Variants in SYNJ2BP observed in about 807,000 individuals in gnomAD.
SYNJ2BP encodes synaptojanin-2-binding protein.
SYNJ2BP carries 10 observed loss-of-function variants against 16.9 expected under a neutral mutation model. The ratio of observed to expected loss-of-function variants is 0.59; its 90% confidence interval spans 0.36 to 1.00. The LOEUF is 1.00. SYNJ2BP is among the 50% of genes least tolerant of loss of function. The pLI, the probability that SYNJ2BP is intolerant of heterozygous loss-of-function variation, is 0.01. For synonymous variants in SYNJ2BP, 54 were observed against 68.4 expected (o/e 0.79, Z 1.04); for missense variants, 162 against 186.7 (o/e 0.87, Z 0.77).
chr14:70,370,126 A>C lies in SYNJ2BP; in HGVS notation c.*2865T>G, dbSNP rs1164664001. 1 of 152,218 alleles carries C rather than the reference A, an allele frequency of 6.6e-6. No individual in the cohort carries two copies. The highest frequency in any genetic ancestry group is 6.5e-5 in the Admixed American group (1 of 15,280). The allele number at this position is 152,218 out of a possible 1,614,324, so 9.4% of individuals were successfully genotyped here. A position where few individuals can be genotyped will look rare whatever the true frequency, so the allele number is the denominator to read the frequency against. ...AGAGTACATCAGAATCTCTATTATCAACCAAAGCAAAACTTCTACCAACGA... is the reference window on the plus strand; with the variant it reads ...AGAGTACATCAGAATCTCTATTATCCACCAAAGCAAAACTTCTACCAACGA... On this transcript the variant is annotated 3_prime_UTR_variant, in exon 4 of 4. Transcript: ENST00000256366.
chr14:70,382,105 A>T (rs1008560164), intron 2 of SYNJ2BP, among the ~76,000 whole-genome samples: 1 of 152,092 alleles, frequency 6.6e-6, no homozygotes, highest in Admixed American at 6.6e-5. Flanking sequence ...ACGTGGTGGC[A>T]GGCGCCTGTA....
intron 1 of SYNJ2BP, among the ~76,000 whole-genome samples, chr14:70,392,887 T>C (rs1208356874): frequency 6.6e-6 from 1 of 152,216 alleles, no homozygotes; most frequent in African/African-American, 2.4e-5. Flanking sequence ...TCATTGGCTA[T>C]GGCCCAGAAA....
chr14:70,415,336 G>T (rs1888580072), intron 1 of SYNJ2BP, among the ~76,000 whole-genome samples: 1 of 150,978 alleles, frequency 6.6e-6, no homozygotes, highest in Non-Finnish European at 1.5e-5. Flanking sequence ...TTTAAACTCA[G>T]GAGTTTAAAT....
At chr14:70,401,783 C>T (rs1277455458) in intron 1 of SYNJ2BP, among the ~76,000 whole-genome samples, 1 of 151,986 alleles carries the variant, frequency 6.6e-6, no homozygotes, top group Admixed American at 6.6e-5. Context: ...GCTCGGACTA[C>T]AGGAGCACAC....
At chr14:70,386,696 A>G (rs925182381) in intron 2 of SYNJ2BP, among the ~76,000 whole-genome samples, 1 of 152,198 alleles carries the variant, frequency 6.6e-6, no homozygotes, top group African/African-American at 2.4e-5. Context: ...AATGGGCTTC[A>G]TGGCAGAGAG....
intron 1 of SYNJ2BP, among the ~76,000 whole-genome samples, chr14:70,402,341 T>C (rs1164548171): frequency 6.6e-6 from 1 of 152,228 alleles, no homozygotes; most frequent in Admixed American, 6.5e-5. Context: ...TTTTATTTTA[T>C]TTTTTAAACA....
At position 70,373,124 on chromosome 14, in the gene SYNJ2BP, A is replaced by G; in HGVS notation, c.305T>C (p.Val102Ala). 6.2e-7 allele frequency: 1 copy of G among 1,613,628 alleles called. No individual in the cohort carries two copies. The highest frequency in any genetic ancestry group is 1.1e-5 in the South Asian group (1 of 90,964). Reference protein sequence around the residue: ...VSLRVQHRLQVQNGPIGHRGE... With the variant: ...VSLRVQHRLQAQNGPIGHRGE... ...TCGATGTCCTATAGGTCCATTCTGC[A>G]CCTGTAACTGGAAGGGAAAGAAAAA... The change falls in exon 4 of 4, where the codon GTG becomes GCG. Residue 102 changes from valine (V) to alanine (A), a missense_variant. Transcript: ENST00000256366.
chr14:70,372,867 T>G lies in SYNJ2BP; in HGVS notation c.*124A>C. On this transcript the variant is annotated 3_prime_UTR_variant, in exon 4 of 4. Coordinates refer to ENST00000256366, the MANE Select transcript of SYNJ2BP (RefSeq NM_018373.3). ...ATTGGAGACTGTGAACAGCAAGGTTTGGGGTGGGTATCAGTCACTTCAAAT... is the reference window on the plus strand; with the variant it reads ...ATTGGAGACTGTGAACAGCAAGGTTGGGGGTGGGTATCAGTCACTTCAAAT... The G allele has an allele frequency of 7.2e-7, 1 of 1,394,050 alleles. No individual in the cohort carries two copies. The highest frequency in any genetic ancestry group is 9.7e-7 in the Non-Finnish European group (1 of 1,027,130). 86.4% of individuals were successfully genotyped at this position (1,394,050 alleles called of 1,614,324 possible). A position where few individuals can be genotyped will look rare whatever the true frequency, so the allele number is the denominator to read the frequency against.
chr14:70,412,631 A>ATATATACAGTATATATATGTATGT (rs1235982664), intron 1 of SYNJ2BP, among the ~76,000 whole-genome samples: 42 of 149,322 alleles, frequency 2.8e-4, no homozygotes, highest in Middle Eastern at 3.5e-3. Flanking sequence ...TATATATAGT[A>ATATATACAGTATATATATGTATGT]ACTAGCACAC....
At position 70,367,650 on chromosome 14, in the gene SYNJ2BP, T is replaced by C. The variant is rs1457025384; in HGVS notation, c.*5341A>G. On this transcript the variant is annotated 3_prime_UTR_variant, in exon 4 of 4. Coordinates refer to ENST00000256366, the MANE Select transcript of SYNJ2BP (RefSeq NM_018373.3). ...AATACTGTCTTCTTTTTTATCACAA[T>C]TGCCCTTTTGGATGTGAGTGCTGGT... is the stretch of plus-strand genomic sequence containing the variant. The C allele has an allele frequency of 2.0e-5, 3 of 151,130 alleles. No homozygotes were observed. The highest frequency in any genetic ancestry group is 4.9e-5 in the African/African-American group (2 of 41,114). 9.4% of individuals were successfully genotyped at this position (151,130 alleles called of 1,614,324 possible).
intron 1 of SYNJ2BP, among the ~76,000 whole-genome samples, chr14:70,394,458 C>CTTTTT (rs533858770): frequency 7.5e-6 from 1 of 133,366 alleles, no homozygotes; most frequent in Non-Finnish European, 1.6e-5. Flanking sequence ...TGGGATTCAA[C>CTTTTT]TTTTTTTTTT....
intron 1 of SYNJ2BP, among the ~76,000 whole-genome samples, chr14:70,408,618 T>C (rs944460995): frequency 6.7e-6 from 1 of 149,608 alleles, no homozygotes. Context: ...GGTTGCAGTG[T>C]GCTGAGACTG....
At chr14:70,389,882 G>A (rs1887942626) in intron 1 of SYNJ2BP, among the ~76,000 whole-genome samples, 1 of 152,096 alleles carries the variant, frequency 6.6e-6, no homozygotes, top group Non-Finnish European at 1.5e-5. Context: ...TCTAATATTT[G>A]TTTTTATGAG....
At chr14:70,389,965 T>G (rs138127255) in intron 1 of SYNJ2BP, among the ~76,000 whole-genome samples, 1 of 152,232 alleles carries the variant, frequency 6.6e-6, no homozygotes, top group Non-Finnish European at 1.5e-5. Context: ...CTGTACAACA[T>G]TGTGCCTACA....
At chr14:70,392,394 T>C (rs1394354614) in intron 1 of SYNJ2BP, among the ~76,000 whole-genome samples, 3 of 152,216 alleles carry the variant, frequency 2.0e-5, no homozygotes, top group Non-Finnish European at 4.4e-5. Flanking sequence ...CAAGTCAGTT[T>C]ACCTCTGATC....
chr14:70,377,490 C>T (rs932064610), intron 2 of SYNJ2BP, among the ~76,000 whole-genome samples: 3 of 152,174 alleles, frequency 2.0e-5, no homozygotes, highest in Non-Finnish European at 4.4e-5. Context: ...CCTTTTTCCA[C>T]CACCGTCTCC....
intron 1 of SYNJ2BP, among the ~76,000 whole-genome samples, chr14:70,397,671 G>A (rs1888131304): frequency 6.6e-6 from 1 of 152,232 alleles, no homozygotes; most frequent in Admixed American, 6.5e-5. Flanking sequence ...CAAGGAGAAA[G>A]TCACAGCCCT....
At chr14:70,396,624 A>G (rs148753305) in intron 1 of SYNJ2BP, among the ~76,000 whole-genome samples, 1 of 151,054 alleles carries the variant, frequency 6.6e-6, no homozygotes, top group African/African-American at 2.4e-5. Flanking sequence ...ATGTATATTT[A>G]TATATATATG....
At chr14:70,386,475 C>CTA (rs1887862092) in intron 2 of SYNJ2BP, among the ~76,000 whole-genome samples, 3 of 152,178 alleles carry the variant, frequency 2.0e-5, no homozygotes, top group African/African-American at 7.2e-5. Context: ...CATGCTTAGA[C>CTA]ATTCTTGAGC....
Sources: allele counts gnomAD v4.1 joint callset (sites outside exome capture counted in the v4.1 genomes callset), GRCh38; gene constraint gnomAD v4.1.1; transcripts MANE v1.5; gene names NCBI Gene and HGNC (gene_info 2026-07-23, HGNC 2026-07-21).